L3MBTL4: variants seen among roughly 807,000 people sequenced by gnomAD.
L3MBTL4 encodes the protein lethal(3)malignant brain tumor-like protein 4.
In L3MBTL4, 70 loss-of-function variants were observed where a neutral mutation model predicts 84.5. The ratio of observed to expected loss-of-function variants is 0.83; its 90% CI spans 0.68 to 1.01. The LOEUF (loss-of-function observed/expected upper bound fraction) is 1.01, where lower values mean the gene tolerates loss of function less well. L3MBTL4 is among the 50% of genes least tolerant of loss of function. The pLI, the probability that L3MBTL4 is intolerant of heterozygous loss-of-function variation, is 0.00. For missense variants in L3MBTL4, 715 were observed against 754.8 expected (o/e 0.95, Z 0.62); for synonymous variants, 274 against 259.8 (o/e 1.05, Z -0.52).
At chr18:6,038,277 A>G (rs1355616258) in intron 16 of L3MBTL4, among the ~76,000 whole-genome samples, 24 of 88,574 alleles carry the variant, frequency 2.7e-4, no homozygotes, top group African/African-American at 8.4e-4. Context: ...TTTTTGAGAC[A>G]GAGTCTTGCT....
In L3MBTL4 at chr18:6,407,875, C is replaced by T. The variant is rs927873047; in HGVS notation, c.-91+6926G>A. ...CCACACCTCAGAGTGCAATTGTGGACGACAACAGTACATCGTGGTAGGAAA... is the reference window on the plus strand; with the variant it reads ...CCACACCTCAGAGTGCAATTGTGGATGACAACAGTACATCGTGGTAGGAAA... On this transcript the variant is annotated intron_variant, in intron 1 of 18. Transcript: ENST00000317931. Among the ~76,000 whole-genome samples the T allele has an allele frequency of 6.6e-5, 10 of 152,214 alleles. No homozygotes were observed. The East Asian group carries it at 7.7e-4, about 12-fold the overall frequency.
At chr18:6,392,132 T>C (rs417798) in intron 1 of L3MBTL4, among the ~76,000 whole-genome samples, 78,141 of 151,538 alleles carry the variant, frequency 0.52, 20,163 homozygotes, top group East Asian at 0.6. Flanking sequence ...CAAAACAGCA[T>C]GGTACTGGTA....
intron 1 of L3MBTL4, among the ~76,000 whole-genome samples, chr18:6,324,764 A>G (rs1014961506): frequency 6.6e-6 from 1 of 152,178 alleles, no homozygotes; most frequent in Non-Finnish European, 1.5e-5. Flanking sequence ...CAGCCCAATC[A>G]TGAGTGGCCT....
intron 14 of L3MBTL4, among the ~76,000 whole-genome samples, chr18:6,119,685 C>T (rs1433218357): frequency 6.6e-6 from 1 of 152,110 alleles, no homozygotes; most frequent in Non-Finnish European, 1.5e-5. Context: ...GACCATGGCT[C>T]TCTCATGTAT....
At position 6,111,131 on chromosome 18, in the gene L3MBTL4, T is replaced by C. The variant is rs1469245395; in HGVS notation, c.1200-17603A>G. On this transcript the variant is annotated intron_variant, in intron 14 of 18. Transcript: ENST00000317931. Reference sequence around the variant, plus strand: ...GAAGAGAAGGATCAGAAAAAGAGAATAAGATGGAGCCGGAGAGGTGAGAAA... The same window carrying C: ...GAAGAGAAGGATCAGAAAAAGAGAACAAGATGGAGCCGGAGAGGTGAGAAA... 3.9e-5 allele frequency among the ~76,000 whole-genome samples: 6 copies of C among 152,116 alleles called. No homozygotes were observed. In the South Asian group the frequency reaches 1.2e-3, roughly 32 times the overall value.
intron 16 of L3MBTL4, among the ~76,000 whole-genome samples, chr18:6,071,807 G>A (rs867753805): frequency 1.2e-4 from 13 of 112,818 alleles, no homozygotes; most frequent in East Asian, 8.7e-4. Context: ...GAAAGAAAAA[G>A]AAAGAAAGGA....
intron 12 of L3MBTL4, among the ~76,000 whole-genome samples, chr18:6,174,400 T>A (rs1423580051): frequency 2.6e-5 from 4 of 151,866 alleles, no homozygotes; most frequent in Non-Finnish European, 4.4e-5. Flanking sequence ...AGGAGAGAAA[T>A]GGAAACTATA....
At chr18:6,134,284 C>T (rs551564138) in intron 14 of L3MBTL4, among the ~76,000 whole-genome samples, 1 of 152,236 alleles carries the variant, frequency 6.6e-6, no homozygotes, top group African/African-American at 2.4e-5. Flanking sequence ...CTGAGAGATA[C>T]AATTCAAGTT....
chr18:6,413,176 A>G (rs1331283755), intron 1 of L3MBTL4, among the ~76,000 whole-genome samples: 2 of 152,154 alleles, frequency 1.3e-5, no homozygotes, highest in Non-Finnish European at 2.9e-5. Context: ...CCTTCCCACC[A>G]ATACCCTTTC....
chr18:6,255,244 G>A (rs943962384), intron 5 of L3MBTL4, among the ~76,000 whole-genome samples: 5 of 152,148 alleles, frequency 3.3e-5, no homozygotes, highest in Non-Finnish European at 7.3e-5. Context: ...CTTCTGAAGA[G>A]CTCTGAACTT....
At chr18:5,983,279 T>C (rs780665890) in intron 16 of L3MBTL4, among the ~76,000 whole-genome samples, 4 of 152,230 alleles carry the variant, frequency 2.6e-5, no homozygotes, top group Non-Finnish European at 5.9e-5. Flanking sequence ...CACGGCTACT[T>C]TCTACTTCAG....
chr18:6,006,815 T>C (rs2054509334), intron 16 of L3MBTL4, among the ~76,000 whole-genome samples: 1 of 152,206 alleles, frequency 6.6e-6, no homozygotes, highest in Non-Finnish European at 1.5e-5. Flanking sequence ...GGAAATTTAG[T>C]ACATGCTAAG....
intron 14 of L3MBTL4, among the ~76,000 whole-genome samples, chr18:6,131,703 C>T (rs1381068382): frequency 1.3e-5 from 2 of 152,072 alleles, no homozygotes; most frequent in African/African-American, 4.8e-5. Flanking sequence ...TAATGATAAC[C>T]TCAGGTGTTT....
At chr18:5,976,238 AT>A (rs1426085255) in intron 16 of L3MBTL4, among the ~76,000 whole-genome samples, 1 of 152,204 alleles carries the variant, frequency 6.6e-6, no homozygotes, top group African/African-American at 2.4e-5. Context: ...CTCCTTAATA[AT>A]TTTTTGAATC....
chr18:6,390,772 A>G (rs1217044092), intron 1 of L3MBTL4, among the ~76,000 whole-genome samples: 4 of 152,204 alleles, frequency 2.6e-5, no homozygotes, highest in Admixed American at 2.6e-4. Flanking sequence ...CCTAGATTAA[A>G]TCAGGAAGAA....
At chr18:6,087,629 C>A (rs1295637345) in intron 15 of L3MBTL4, among the ~76,000 whole-genome samples, 2 of 152,088 alleles carry the variant, frequency 1.3e-5, no homozygotes, top group African/African-American at 4.8e-5. Flanking sequence ...GATTAAGGGG[C>A]TTAATTTAGT....
chr18:6,313,009 C>A (rs139901947), intron 1 of L3MBTL4, among the ~76,000 whole-genome samples: 43 of 152,316 alleles, frequency 2.8e-4, no homozygotes, highest in South Asian at 1.5e-3. Flanking sequence ...GACTTCACAG[C>A]CTTCAGAAAG....
intron 1 of L3MBTL4, chr18:6,395,457 G>A (rs1476818198): frequency 1.3e-5 from 2 of 152,060 alleles, no homozygotes; most frequent in African/African-American, 2.4e-5. Context: ...TAAAGGGGGG[G>A]AACAAGAGGA....
intron 4 of L3MBTL4, among the ~76,000 whole-genome samples, chr18:6,264,900 T>C (rs2048562492): frequency 6.6e-6 from 1 of 152,192 alleles, no homozygotes; most frequent in Non-Finnish European, 1.5e-5. Context: ...TTTCCTAGAA[T>C]CCCACATCAA....
Sources: gnomAD v4.1 joint callset for allele counts (sites outside exome capture counted in the v4.1 genomes callset) on GRCh38, gnomAD v4.1.1 for gene constraint, MANE v1.5 for transcripts, NCBI Gene and HGNC (gene_info 2026-07-23, HGNC 2026-07-21) for gene names.